Variants in LIN9 observed in about 807,000 individuals in gnomAD.
The protein encoded by LIN9 is protein lin-9 homolog.
A neutral mutation model predicts 78.0 loss-of-function variants in LIN9; 18 were observed. That is an observed-to-expected ratio of 0.23 (90% confidence interval 0.16 to 0.34). The LOEUF is 0.34. Ranked by LOEUF, LIN9 falls within the 10% of genes least tolerant of loss-of-function variation. The probability of loss-of-function intolerance (pLI) is 1.00; values close to 1 mark genes in which losing one functional copy is unlikely to be tolerated. For synonymous variants in LIN9, 192 were observed against 215.2 expected (o/e 0.89, Z 0.94); for missense variants, 451 against 644.1 (o/e 0.70, Z 3.25).
intron 4 of LIN9, among the ~76,000 whole-genome samples, chr1:226,289,841 G>GT (rs1553283417): frequency 4.5e-5 from 3 of 66,596 alleles, no homozygotes; most frequent in Non-Finnish European, 6.5e-5. Context: ...CTCCGGGGGG[G>GT]GGGGTGGGGG....
chr1:226,283,171 G>A (rs1216915766), intron 6 of LIN9, among the ~76,000 whole-genome samples: 1 of 151,970 alleles, frequency 6.6e-6, no homozygotes, highest in East Asian at 1.9e-4. Context: ...CTGTTGCCCA[G>A]GCTTGAGTGC....
At chr1:226,252,769 C>T (rs1008584020) in intron 10 of LIN9, among the ~76,000 whole-genome samples, 3 of 152,032 alleles carry the variant, frequency 2.0e-5, no homozygotes, top group Non-Finnish European at 4.4e-5. Flanking sequence ...GAGTTTGAGA[C>T]CAACCTGGCC....
intron 11 of LIN9, among the ~76,000 whole-genome samples, chr1:226,239,927 G>A (rs747444231): frequency 6.6e-6 from 1 of 152,130 alleles, no homozygotes; most frequent in Non-Finnish European, 1.5e-5. Context: ...TTTTTCAGAG[G>A]ATTTCTGAGA....
rs542045726 is a variant in LIN9 at position 226,295,756 on chromosome 1, C to T, written c.264+86G>A. The T allele has an allele frequency of 6.9e-5, 54 of 788,128 alleles. No homozygotes were observed. The East Asian group carries it at 1.5e-3, about 21-fold the overall frequency. 48.8% of individuals were successfully genotyped at this position (788,128 alleles called of 1,614,324 possible). ...AATTTAAAGAAAAGAACTTGTTACT[C>T]AAAATGTAACAGAAATATAAACTTT... On this transcript the variant is annotated intron_variant, in intron 4 of 14. Transcript: ENST00000681046.
At chr1:226,252,668 G>A (rs776177064) in intron 10 of LIN9, among the ~76,000 whole-genome samples, 1 of 152,004 alleles carries the variant, frequency 6.6e-6, no homozygotes, top group East Asian at 1.9e-4. Flanking sequence ...TTGTAGTTAC[G>A]TTGCTTAAAA....
intron 6 of LIN9, among the ~76,000 whole-genome samples, chr1:226,281,499 C>G (rs1423030108): frequency 6.6e-6 from 1 of 151,786 alleles, no homozygotes; most frequent in Non-Finnish European, 1.5e-5. Context: ...TTATAATGTT[C>G]CCAACACAAA....
At chr1:226,260,506 C>T (rs150106206) in intron 10 of LIN9, among the ~76,000 whole-genome samples, 61 of 150,978 alleles carry the variant, frequency 4.0e-4, no homozygotes, top group African/African-American at 1.4e-3. Context: ...CCTGTCCAAA[C>T]ATGAAAAGAA....
chr1:226,279,790 A>G (rs1302218578), intron 6 of LIN9, among the ~76,000 whole-genome samples: 4 of 146,714 alleles, frequency 2.7e-5, no homozygotes, highest in Non-Finnish European at 4.5e-5. Flanking sequence ...AAAAAAAAGG[A>G]AGGAAAGAAA....
chr1:226,294,928 T>C (rs1662046076), intron 4 of LIN9, among the ~76,000 whole-genome samples: 1 of 151,764 alleles, frequency 6.6e-6, no homozygotes, highest in African/African-American at 2.4e-5. Context: ...GCCTCTCAAG[T>C]AGCTGAGATT....
intron 1 of LIN9, among the ~76,000 whole-genome samples, chr1:226,307,503 G>C (rs1290251898): frequency 6.6e-6 from 1 of 152,212 alleles, no homozygotes; most frequent in African/African-American, 2.4e-5. Context: ...AGGCGTGGTG[G>C]CACATGCCTG....
At chr1:226,306,632 C>T (rs1464756765) in intron 1 of LIN9, among the ~76,000 whole-genome samples, 1 of 152,142 alleles carries the variant, frequency 6.6e-6, no homozygotes, top group Admixed American at 6.6e-5. Flanking sequence ...TGAGCAAATA[C>T]ATGTAATATC....
At chr1:226,307,955 TACG>T (rs1372077240) in intron 1 of LIN9, among the ~76,000 whole-genome samples, 6 of 152,214 alleles carry the variant, frequency 3.9e-5, no homozygotes, top group Admixed American at 3.3e-4. Context: ...ACACTTTTAA[TACG>T]ACTTTTCACC....
chr1:226,260,785 C>G (rs980482938), intron 10 of LIN9, among the ~76,000 whole-genome samples: 1 of 151,858 alleles, frequency 6.6e-6, no homozygotes, highest in African/African-American at 2.4e-5. Flanking sequence ...ACTGGGACTA[C>G]AGGCACTGGC....
chr1:226,290,616 A>G (rs915005963), intron 4 of LIN9, among the ~76,000 whole-genome samples: 3 of 152,132 alleles, frequency 2.0e-5, no homozygotes, highest in African/African-American at 7.2e-5. Flanking sequence ...CTGGGATTAC[A>G]GGCGTAAGCC....
At chr1:226,286,258 T>C (rs773914457) in intron 6 of LIN9, 75 bp downstream of exon 6, 226 of 1,494,316 alleles carry the variant, frequency 1.5e-4, no homozygotes, top group Non-Finnish European at 2.0e-4. Context: ...GCCTTCCAAG[T>C]AACTGGGATT....
intron 10 of LIN9, among the ~76,000 whole-genome samples, chr1:226,264,663 C>G (rs1374648915): frequency 6.6e-6 from 1 of 152,026 alleles, no homozygotes; most frequent in Admixed American, 6.6e-5. Flanking sequence ...CTGGCCAGCA[C>G]AGTGAAACCC....
At chr1:226,298,761 T>C (rs1323131276) in intron 2 of LIN9, among the ~76,000 whole-genome samples, 1 of 151,966 alleles carries the variant, frequency 6.6e-6, no homozygotes, top group Non-Finnish European at 1.5e-5. Context: ...TTCAGGAGGC[T>C]GAGGCAGAGA....
intron 7 of LIN9, among the ~76,000 whole-genome samples, chr1:226,271,361 T>G (rs1660261717): frequency 6.6e-6 from 1 of 152,226 alleles, no homozygotes; most frequent in Non-Finnish European, 1.5e-5. Context: ...GCTCTTGTTT[T>G]TGAGGAAAAA....
At chr1:226,270,260 C>T (rs910606079) in intron 7 of LIN9, among the ~76,000 whole-genome samples, 1 of 152,006 alleles carries the variant, frequency 6.6e-6, no homozygotes, top group Non-Finnish European at 1.5e-5. Context: ...ACAGGGGTAA[C>T]TCTTTGGAAA....
Sources: gnomAD v4.1 joint callset for allele counts (sites outside exome capture counted in the v4.1 genomes callset) on GRCh38, gnomAD v4.1.1 for gene constraint, MANE v1.5 for transcripts, NCBI Gene and HGNC (gene_info 2026-07-23, HGNC 2026-07-21) for gene names.